JARID2: variants seen among roughly 807,000 people sequenced by gnomAD.
JARID2 encodes protein Jumonji.
A neutral mutation model predicts 125.6 loss-of-function variants in JARID2; 21 were observed. That is an observed-to-expected ratio of 0.17 (90% confidence interval 0.12 to 0.24). The LOEUF (loss-of-function observed/expected upper bound fraction) is 0.24. JARID2 is among the 10% of genes least tolerant of loss of function. JARID2 has a pLI of 1.00. For synonymous variants in JARID2, 736 were observed against 661.6 expected, an observed-to-expected ratio of 1.11 and a Z score of -1.73; for missense variants, 1,303 against 1,639.6, an observed-to-expected ratio of 0.79 and a Z score of 3.55.
intron 1 of JARID2, among the ~76,000 whole-genome samples, chr6:15,250,499 T>G (rs1759403440): frequency 6.6e-6 from 1 of 152,204 alleles, no homozygotes; most frequent in Admixed American, 6.5e-5. Flanking sequence ...TCTGTGTTAC[T>G]TAGGTGCAGG....
At chr6:15,284,400 C>T (rs2127383901) in intron 1 of JARID2, among the ~76,000 whole-genome samples, 1 of 152,244 alleles carries the variant, frequency 6.6e-6, no homozygotes, top group East Asian at 1.9e-4. Flanking sequence ...ATAATGTTTT[C>T]ATACATCCCA....
At chr6:15,416,108 C>A (rs1258511916) in intron 3 of JARID2, among the ~76,000 whole-genome samples, 1 of 151,730 alleles carries the variant, frequency 6.6e-6, no homozygotes, top group Non-Finnish European at 1.5e-5. Context: ...GGCAGAGACT[C>A]TCCTCACTTC....
At position 15,489,726 on chromosome 6, in the gene JARID2, G is replaced by A. The variant is rs540525784; in HGVS notation, c.906+2184G>A. 5.3e-5 allele frequency among the ~76,000 whole-genome samples: 8 copies of A among 152,326 alleles called. No individual in the cohort carries two copies. In the East Asian group the frequency reaches 1.5e-3, roughly 29 times the overall value. ...GTCCTGGGGTGCCCCTCACACAGCC[G>A]GCCTCTGTCCTCTGAGTTAGTGCAG... On this transcript the variant is annotated intron_variant, in intron 6 of 17. Coordinates refer to ENST00000341776, the MANE Select transcript of JARID2 (RefSeq NM_004973.4).
At chr6:15,451,872 G>C in intron 3 of JARID2, 134 bp from the exon 4 acceptor site, 1 of 857,166 alleles carries the variant, frequency 1.2e-6, no homozygotes, top group Non-Finnish European at 1.7e-6. Flanking sequence ...GAGAGATATA[G>C]AACCTTAATT....
chr6:15,444,130 G>A (rs1018036488), intron 3 of JARID2, among the ~76,000 whole-genome samples: 1 of 152,168 alleles, frequency 6.6e-6, no homozygotes, highest in Non-Finnish European at 1.5e-5. Context: ...ATCTCCAGAA[G>A]TACCATAAAG....
rs768349280 is a variant in JARID2, at chr6:15,508,393, T to G, written c.2785T>G (p.Ser929Ala). The G allele has an allele frequency of 9.9e-6, 16 of 1,611,902 alleles. No homozygotes were observed. The Admixed American group carries it at 1.0e-4, about 10-fold the overall frequency. Residue 929 changes from serine (S) to alanine (A), a missense_variant, in exon 12 of 18, where the codon TCT (serine) becomes GCT (alanine). Physicochemically the swap from Ser to Ala is moderately conservative, Grantham distance 99. Transcript: ENST00000341776. The part of the protein sequence containing the change: ...IGMVFSTSCW[S>A]RDQNHLPYID... ...CATGGTCTTTTCTACCTCATGCTGG[T>G]CTCGAGACCAAAATCACCTTCCATA...
intron 3 of JARID2, among the ~76,000 whole-genome samples, chr6:15,413,007 TG>T (rs68039767): frequency 0.35 from 34,642 of 98,102 alleles, 9,269 homozygotes; most frequent in African/African-American, 0.5. Flanking sequence ...CTTGTGTTTT[TG>T]TTTTTTTTTT....
chr6:15,424,735 T>C (rs1029065639), intron 3 of JARID2, among the ~76,000 whole-genome samples: 4 of 152,146 alleles, frequency 2.6e-5, no homozygotes, highest in Non-Finnish European at 5.9e-5. Flanking sequence ...GGCGCATCCT[T>C]GTAATCCCAG....
intron 1 of JARID2, among the ~76,000 whole-genome samples, chr6:15,278,726 G>A (rs1760634983): frequency 6.6e-6 from 1 of 152,176 alleles, no homozygotes; most frequent in African/African-American, 2.4e-5. Context: ...TCTCATATCT[G>A]CCATACCTGC....
rs376100236 is a variant in JARID2 at position 15,502,547 on chromosome 6, A to G, written c.2448+1138A>G. Among the ~76,000 whole-genome samples, 45 of 152,314 alleles carry G rather than the reference A, an allele frequency of 3.0e-4. No homozygotes were observed. The South Asian group carries it at 8.7e-3, about 29-fold the overall frequency. On this transcript the variant is annotated intron_variant, in intron 8 of 17. Transcript: ENST00000341776. ...CAGGTGCCCACGGCTGCCTGACTGC[A>G]GGCTCTGGCCTGGCCTTGTAGTTGA...
chr6:15,349,477 A>G (rs1275378274), intron 1 of JARID2, among the ~76,000 whole-genome samples: 1 of 152,160 alleles, frequency 6.6e-6, no homozygotes, highest in Non-Finnish European at 1.5e-5. Context: ...TATTTCCAGG[A>G]TTGTTCAGTC....
intron 1 of JARID2, among the ~76,000 whole-genome samples, chr6:15,348,954 T>G (rs189060163): frequency 6.6e-6 from 1 of 152,336 alleles, no homozygotes; most frequent in Non-Finnish European, 1.5e-5. Context: ...AGTTTAAGAC[T>G]TGTTAATTAA....
intron 3 of JARID2, among the ~76,000 whole-genome samples, chr6:15,436,785 A>G (rs1009466830): frequency 6.7e-6 from 1 of 150,018 alleles, no homozygotes; most frequent in Non-Finnish European, 1.5e-5. Flanking sequence ...AGTGGTGTGG[A>G]CTCCTGCTTG....
intron 1 of JARID2, among the ~76,000 whole-genome samples, chr6:15,369,919 G>T (rs1764103419): frequency 6.6e-6 from 1 of 152,200 alleles, no homozygotes; most frequent in African/African-American, 2.4e-5. Flanking sequence ...CCACTGTGGA[G>T]GAAGGATGTC....
chr6:15,309,658 C>T (rs1208177816), intron 1 of JARID2, among the ~76,000 whole-genome samples: 1 of 151,482 alleles, frequency 6.6e-6, no homozygotes, highest in Non-Finnish European at 1.5e-5. Context: ...ATAAAGCATA[C>T]ATATATAAAC....
At chr6:15,412,605 G>T (rs902406302) in intron 3 of JARID2, among the ~76,000 whole-genome samples, 1 of 152,192 alleles carries the variant, frequency 6.6e-6, no homozygotes, top group Non-Finnish European at 1.5e-5. Flanking sequence ...ACCCAGCAGG[G>T]CATGCATTTC....
intron 3 of JARID2, among the ~76,000 whole-genome samples, chr6:15,436,526 G>T (rs970439743): frequency 6.6e-6 from 1 of 152,142 alleles, no homozygotes; most frequent in Non-Finnish European, 1.5e-5. Flanking sequence ...GCAGATCAGG[G>T]TGGTCTTGGA....
At position 15,520,979 on chromosome 6, in the gene JARID2, C is replaced by T. The variant is rs1170302088; in HGVS notation, c.*728C>T. The T allele has an allele frequency of 4.2e-6, 1 of 239,450 alleles. No individual in the cohort carries two copies. The highest frequency in any genetic ancestry group is 2.3e-5 in the African/African-American group (1 of 42,562). 14.8% of individuals were successfully genotyped at this position (239,450 alleles called of 1,614,324 possible). On this transcript the variant is annotated 3_prime_UTR_variant, in exon 18 of 18. Transcript: ENST00000341776. ...CTTGGAGGGGTCACATGAGGGAGAC[C>T]TGTGCCTGATTTCATTAGGAAATCC...
intron 2 of JARID2, among the ~76,000 whole-genome samples, chr6:15,409,095 T>A (rs193160149): frequency 2.0e-5 from 3 of 152,360 alleles, no homozygotes; most frequent in Non-Finnish European, 4.4e-5. Flanking sequence ...ATGTGTACTA[T>A]GTTCATTCAG....
Sources: gnomAD v4.1 joint callset for allele counts (sites outside exome capture counted in the v4.1 genomes callset) on GRCh38, gnomAD v4.1.1 for gene constraint, MANE v1.5 for transcripts, NCBI Gene and HGNC (gene_info 2026-07-23, HGNC 2026-07-21) for gene names.